CAST: variants seen among roughly 807,000 people sequenced by gnomAD.
CAST encodes the protein calpastatin.
A neutral mutation model predicts 119.6 loss-of-function variants in CAST; 76 were observed. The observed-to-expected ratio is 0.64, with a 90% CI of 0.53 to 0.77. The LOEUF is 0.77. CAST is among the 30% of genes least tolerant of loss of function. CAST has a pLI of 0.00. For missense variants in CAST, 953 were observed against 946.5 expected (o/e 1.01, Z -0.09); for synonymous variants, 319 against 331.6 (o/e 0.96, Z 0.41).
At chr5:96,171,870 C>G in the CAST span, among the ~76,000 whole-genome samples, 1 of 152,244 alleles carries the variant, frequency 6.6e-6, no homozygotes, top group African/African-American at 2.4e-5. Flanking sequence ...AGATCTTTCT[C>G]ACGGAGCAAA....
chr5:96,765,139 G>C, intron 25 of CAST, 82 bp from the exon 26 acceptor site: 1 of 804,530 alleles, frequency 1.2e-6, no homozygotes, highest in Non-Finnish European at 2.1e-6. Context: ...GTTCCCTCCT[G>C]AAAAGATGGA....
chr5:96,069,355 ATGTGTGTG>A, the CAST span, among the ~76,000 whole-genome samples: 23 of 141,652 alleles, frequency 1.6e-4, no homozygotes, highest in East Asian at 6.2e-4. Context: ...GTGTGTATGT[ATGTGTGTG>A]TGTGTGTGTG....
At chr5:96,427,281 AAC>A in the CAST span, among the ~76,000 whole-genome samples, 1 of 152,232 alleles carries the variant, frequency 6.6e-6, no homozygotes, top group Non-Finnish European at 1.5e-5. Flanking sequence ...AATTGTAGAA[AAC>A]AGTGTTATGA....
At chr5:96,445,081 C>G in the CAST span, among the ~76,000 whole-genome samples, 1 of 152,178 alleles carries the variant, frequency 6.6e-6, no homozygotes, top group African/African-American at 2.4e-5. Flanking sequence ...AAAGGGCCAG[C>G]CACCAGAGGA....
At chr5:95,997,973 T>TG in the CAST span, among the ~76,000 whole-genome samples, 7 of 147,582 alleles carry the variant, frequency 4.7e-5, no homozygotes, top group Admixed American at 3.4e-4. Flanking sequence ...GTTTTTTTTT[T>TG]TTTTTTTTTT....
chr5:96,551,863 G>A (rs1241787234), intron 1 of CAST, among the ~76,000 whole-genome samples: 1 of 152,062 alleles, frequency 6.6e-6, no homozygotes, highest in Admixed American at 6.6e-5. Flanking sequence ...AACAAGAAGA[G>A]CAAACTATCC....
the CAST span, among the ~76,000 whole-genome samples, chr5:96,259,388 C>G: frequency 8.8e-4 from 134 of 152,254 alleles, no homozygotes; most frequent in African/African-American, 3.0e-3. Context: ...GACTTGCTGT[C>G]TTAGATCTGA....
At chr5:96,172,108 G>A in the CAST span, among the ~76,000 whole-genome samples, 1 of 152,236 alleles carries the variant, frequency 6.6e-6, no homozygotes, top group Non-Finnish European at 1.5e-5. Flanking sequence ...TGTTTTATAG[G>A]ATTTGGGTAG....
chr5:96,323,790 T>C, the CAST span, among the ~76,000 whole-genome samples: 1 of 152,208 alleles, frequency 6.6e-6, no homozygotes, highest in South Asian at 2.1e-4. Flanking sequence ...TCTCATTTTA[T>C]AAATGAAGAA....
At chr5:96,482,375 C>T in the CAST span, among the ~76,000 whole-genome samples, 1 of 150,318 alleles carries the variant, frequency 6.7e-6, no homozygotes, top group Non-Finnish European at 1.5e-5. Context: ...TTATGTGAAG[C>T]AATGAATGAA....
chr5:96,323,880 T>G, the CAST span, among the ~76,000 whole-genome samples: 1 of 152,236 alleles, frequency 6.6e-6, no homozygotes, highest in African/African-American at 2.4e-5. Context: ...AACTGGGTCC[T>G]TCCCTCTAGA....
intron 6 of CAST, chr5:96,728,755 G>C (rs1036759527): frequency 1.7e-4 from 28 of 163,408 alleles, no homozygotes; most frequent in Non-Finnish European, 3.2e-4. Context: ...GGGATTACAG[G>C]CGTGAGCCAC....
At chr5:96,389,166 A>G in the CAST span, among the ~76,000 whole-genome samples, 1 of 152,288 alleles carries the variant, frequency 6.6e-6, no homozygotes, top group East Asian at 1.9e-4. Flanking sequence ...ATAAAAGTCT[A>G]GAGATGTGAT....
At chr5:96,544,830 A>G (rs1393734158) in intron 1 of CAST, among the ~76,000 whole-genome samples, 1 of 20,822 alleles carries the variant, frequency 4.8e-5, no homozygotes, top group African/African-American at 1.6e-4. Flanking sequence ...AGGAGTGGAT[A>G]AAAAAAAAAC....
chr5:96,446,813 G>T, the CAST span, among the ~76,000 whole-genome samples: 3 of 152,132 alleles, frequency 2.0e-5, no homozygotes, highest in Non-Finnish European at 4.4e-5. Context: ...TGTTGCCTGG[G>T]CTAGAAAAAA....
At chr5:96,144,873 G>T in the CAST span, among the ~76,000 whole-genome samples, 1 of 151,968 alleles carries the variant, frequency 6.6e-6, no homozygotes, top group East Asian at 1.9e-4. Flanking sequence ...TAGAGACGAG[G>T]TTTCACCATG....
the CAST span, among the ~76,000 whole-genome samples, chr5:96,449,647 C>G: frequency 6.6e-6 from 1 of 152,160 alleles, no homozygotes; most frequent in African/African-American, 2.4e-5. Flanking sequence ...GCTTAGTTTT[C>G]TATGTATTTC....
intron 2 of CAST, among the ~76,000 whole-genome samples, chr5:96,684,825 C>T (rs540848711): frequency 6.6e-6 from 1 of 152,112 alleles, no homozygotes; most frequent in Non-Finnish European, 1.5e-5. Context: ...CCACCTTGGA[C>T]TCCCAAAGTG....
At chr5:96,701,697 C>T (rs777083826) in intron 3 of CAST, among the ~76,000 whole-genome samples, 6 of 151,314 alleles carry the variant, frequency 4.0e-5, no homozygotes, top group South Asian at 2.1e-4. Flanking sequence ...CGCAGCTACT[C>T]GGGAAGCTGA....
Sources: gnomAD v4.1 joint callset for allele counts (sites outside exome capture counted in the v4.1 genomes callset) on GRCh38, gnomAD v4.1.1 for gene constraint, MANE v1.5 for transcripts, NCBI Gene and HGNC (gene_info 2026-07-23, HGNC 2026-07-21) for gene names.